The following SPATC1 variants were observed in gnomAD, a reference collection of about 807,000 sequenced individuals.
The protein encoded by SPATC1 is speriolin.
A neutral mutation model predicts 36.5 loss-of-function variants in SPATC1; 35 were observed. That is an observed-to-expected ratio of 0.96 (90% CI 0.73 to 1.27). The LOEUF (loss-of-function observed/expected upper bound fraction) is 1.27. Among genes scored for constraint, SPATC1 ranks in the 50% most tolerant of loss-of-function variants. The pLI is 0.00. For synonymous variants in SPATC1, 361 were observed against 353.6 expected (o/e 1.02, Z -0.24); for missense variants, 779 against 796.0 (o/e 0.98, Z 0.26).
chr8:144,026,689 TTCC>T (rs1342803746), intron 1 of SPATC1, among the ~76,000 whole-genome samples: 7 of 152,342 alleles, frequency 4.6e-5, no homozygotes, highest in Non-Finnish European at 1.0e-4. Context: ...TGATTTGTAT[TTCC>T]TAATGACTAA....
At chr8:144,031,630 T>C (rs1834798137) in intron 1 of SPATC1, among the ~76,000 whole-genome samples, 1 of 151,808 alleles carries the variant, frequency 6.6e-6, no homozygotes, top group South Asian at 2.1e-4. Context: ...TGAGTTTCTT[T>C]GATATGTGGA....
chr8:144,029,297 G>A (rs1335533078), intron 1 of SPATC1, among the ~76,000 whole-genome samples: 5 of 151,696 alleles, frequency 3.3e-5, no homozygotes, highest in Admixed American at 1.3e-4. Flanking sequence ...GGCCAGGCGC[G>A]GTAGCTCACG....
chr8:144,021,629 C>A, intron 1 of SPATC1, among the ~76,000 whole-genome samples: 1 of 139,248 alleles, frequency 7.2e-6, no homozygotes, highest in East Asian at 2.2e-4. Context: ...GAACCTCACA[C>A]CCCAGGACCT....
rs782577138 is a variant in SPATC1, at chr8:144,044,064, GCACT to G, written c.1447-2553_1447-2550del. Among the ~76,000 whole-genome samples the G allele has an allele frequency of 7.9e-5, 12 of 152,228 alleles. No individual in the cohort carries two copies. In the East Asian group the frequency reaches 1.7e-3, roughly 22 times the overall value. On this transcript the variant is annotated intron_variant, in intron 4 of 4. Transcript: ENST00000377470. ...CCTGGTCCACAGCCACCTTCCCCCTGCACTCACTCACTCCTGACTAGTATCGAGC... is the reference window on the plus strand; with the variant it reads ...CCTGGTCCACAGCCACCTTCCCCCTGCACTCACTCCTGACTAGTATCGAGC...
At position 144,046,900 on chromosome 8, in the gene SPATC1, C is replaced by T. The variant is rs782672906; in HGVS notation, c.1720C>T (p.Leu574Phe). 6.3e-7 allele frequency: 1 copy of T among 1,599,186 alleles called. No individual in the cohort carries two copies. Among genetic ancestry groups the T allele is most frequent in the South Asian group, 1.1e-5 (1 of 91,024 alleles). Residue 574 changes from leucine to phenylalanine, a missense_variant, in exon 5 of 5, where the codon CTC (leucine) becomes TTC (phenylalanine). Transcript: ENST00000377470. This position sits in a 1 kb window ranked among gnomAD's most constrained non-coding sequence, Gnocchi z 6.6. ...PGMLADALLL[L>F]SCLSQLAHDD... Reference sequence around the variant, plus strand: ...CATGCTCGCCGACGCGCTGCTGCTGCTCTCCTGCCTCAGCCAGCTGGCGCA... The same window carrying T: ...CATGCTCGCCGACGCGCTGCTGCTGTTCTCCTGCCTCAGCCAGCTGGCGCA...
Position 144,040,655 on chromosome 8 carries a change from C to A in SPATC1, c.854C>A (p.Thr285Asn), listed in dbSNP as rs140585701. The A allele has an allele frequency of 2.4e-3, 3,865 of 1,613,796 alleles. 8 individuals are homozygous for A. Among genetic ancestry groups the A allele is most frequent in the Non-Finnish European group, 3.1e-3 (3,637 of 1,179,940 alleles). The part of the protein sequence containing the change: ...AFAGAPLQTS[T>N]PIGAMGTPAP... Reference sequence around the variant, plus strand: ...GCAGGAGCACCCCTCCAGACCTCCACCCCTATCGGAGCCATGGGCACACCT... The same window carrying A: ...GCAGGAGCACCCCTCCAGACCTCCAACCCTATCGGAGCCATGGGCACACCT... The change falls in exon 3 of 5, where the codon ACC becomes AAC. Residue 285 changes from threonine (T) to asparagine (N), a missense_variant. By Grantham distance (65) the Thr-to-Asn change is moderately conservative. Coordinates refer to ENST00000377470, the MANE Select transcript of SPATC1 (RefSeq NM_198572.3).
chr8:144,018,309 C>T (rs1310925404), intron 1 of SPATC1, among the ~76,000 whole-genome samples: 3 of 151,996 alleles, frequency 2.0e-5, no homozygotes, highest in East Asian at 1.9e-4. Context: ...GTGGAATGGC[C>T]GACCAGGGTG....
rs1328749997 is a variant in SPATC1 at position 144,027,569 on chromosome 8, T to C, written c.212-12340T>C. ...CCCAAGTTTTATTCTAAGAGTTCTA[T>C]GGTTTTAGCTCTTCATTTAGGCCTT... On this transcript the variant is annotated intron_variant, in intron 1 of 4. Coordinates refer to ENST00000377470, the MANE Select transcript of SPATC1 (RefSeq NM_198572.3). Among the ~76,000 whole-genome samples the C allele has an allele frequency of 2.6e-5, 4 of 152,248 alleles. No homozygotes were observed. In the East Asian group the frequency reaches 5.8e-4, roughly 22 times the overall value.
chr8:144,043,691 T>TC (rs1487370084), intron 4 of SPATC1, among the ~76,000 whole-genome samples: 2 of 151,712 alleles, frequency 1.3e-5, no homozygotes, highest in African/African-American at 4.8e-5. Flanking sequence ...CTACATTTTT[T>TC]TTTTTTTTTT....
At chr8:144,023,662 TCTCCCCTTGAAA>T (rs1587497839) in intron 1 of SPATC1, among the ~76,000 whole-genome samples, 840 of 1,064 alleles carry the variant, frequency 0.79, 406 homozygotes, top group Middle Eastern at 1. Context: ...CTCAGGACCC[TCTCCCCTTGAAA>T]CTCCCCTCAG....
At chr8:144,041,151 C>G (rs1835086395) in intron 3 of SPATC1, 44 bp downstream of exon 3, 4 of 1,590,226 alleles carry the variant, frequency 2.5e-6, no homozygotes, top group Non-Finnish European at 3.4e-6. Flanking sequence ...CCCCCAGGCC[C>G]TCTCCCTGCC....
At position 144,046,867 on chromosome 8, in the gene SPATC1, C is replaced by A; in HGVS notation, c.1687C>A (p.His563Asn). ...FLQRVVVETV[H>N]PGMLADALLL... is the part of the protein sequence containing the mutation. Reference sequence around the variant, plus strand: ...GCAGCGTGTGGTGGTGGAGACCGTGCACCCCGGCATGCTCGCCGACGCGCT... The same window carrying A: ...GCAGCGTGTGGTGGTGGAGACCGTGAACCCCGGCATGCTCGCCGACGCGCT... Residue 563 changes from histidine (H) to asparagine (N), a missense_variant, in exon 5 of 5, where the codon CAC becomes AAC. By Grantham distance (68) the His-to-Asn change is moderately conservative. Coordinates refer to ENST00000377470, the MANE Select transcript of SPATC1 (RefSeq NM_198572.3). The surrounding 1 kb of genome is among the most constrained non-coding windows in gnomAD (Gnocchi z 6.6). The A allele has an allele frequency of 6.2e-7, 1 of 1,601,072 alleles. No individual in the cohort carries two copies. The highest frequency in any genetic ancestry group is 8.5e-7 in the Non-Finnish European group (1 of 1,179,832).
Position 144,041,097 on chromosome 8 carries a change from G to A in SPATC1, c.1296G>A (p.Glu432=), listed in dbSNP as rs199994454. ...ACCGCAAGACCAGCAAGTTCCCCGA[G>A]AACCCCCGAGGTCAGTGACACTGCG... The part of the protein sequence containing the change: ...LAHRKTSKFP[E]NPRESKQLAW... Residue 432 remains glutamate (E), a synonymous_variant, in exon 3 of 5, where the codon GAG becomes GAA. Coordinates refer to ENST00000377470, the MANE Select transcript of SPATC1 (RefSeq NM_198572.3). 6.3e-7 allele frequency: 1 copy of A among 1,580,678 alleles called. No individual in the cohort carries two copies. The highest frequency in any genetic ancestry group is 8.6e-7 in the Non-Finnish European group (1 of 1,161,686).
At chr8:144,029,363 G>A (rs1834751283) in intron 1 of SPATC1, among the ~76,000 whole-genome samples, 1 of 152,084 alleles carries the variant, frequency 6.6e-6, no homozygotes, top group Admixed American at 6.6e-5. Context: ...GAGGTCAGGA[G>A]TTCTGAGACC....
chr8:144,046,847 GT>G lies in SPATC1; in HGVS notation c.1668del (p.Val557TrpfsTer55), dbSNP rs1413783321. ...CCCTACACCGTGGACTTCCTGCAGC[GT>G]GTGGTGGTGGAGACCGTGCACCCCG... ...GGPYTVDFLQ[R>X]VVVETVHPGM... On this transcript the variant is annotated frameshift_variant, in exon 5 of 5. Coordinates refer to ENST00000377470, the MANE Select transcript of SPATC1 (RefSeq NM_198572.3). LOFTEE classifies it high-confidence loss of function. This position sits in a 1 kb window ranked among gnomAD's most constrained non-coding sequence, Gnocchi z 6.6. The G allele has an allele frequency of 5.0e-6, 8 of 1,602,220 alleles. No individual in the cohort carries two copies. The highest frequency in any genetic ancestry group is 5.9e-6 in the Non-Finnish European group (7 of 1,179,866).
chr8:144,020,146 C>T (rs1834476957), intron 1 of SPATC1, among the ~76,000 whole-genome samples: 1 of 151,454 alleles, frequency 6.6e-6, no homozygotes, highest in Non-Finnish European at 1.5e-5. Context: ...CTGTCCCTCC[C>T]TACTCAGGAC....
At position 144,040,478 on chromosome 8, in the gene SPATC1, G is replaced by A; in HGVS notation, c.766+15G>A. On this transcript the variant is annotated intron_variant, in intron 2 of 4. Transcript: ENST00000377470. ...CACCACCAAAGGTAACAGGTGTGGT[G>A]GGTGGTGGGTGGCAGAGTGGGGGGG... The A allele has an allele frequency of 6.4e-7, 1 of 1,573,604 alleles. No individual in the cohort carries two copies. The highest frequency in any genetic ancestry group is 8.6e-7 in the Non-Finnish European group (1 of 1,160,060).
intron 4 of SPATC1, among the ~76,000 whole-genome samples, chr8:144,042,587 G>A (rs1835145310): frequency 6.6e-6 from 1 of 151,968 alleles, no homozygotes; most frequent in Non-Finnish European, 1.5e-5. Context: ...CTCCGAAAGT[G>A]CGGGGATGAC....
At chr8:144,011,812 C>T (rs1834286648), upstream of SPATC1, among the ~76,000 whole-genome samples, 1 of 151,958 alleles carries the variant, frequency 6.6e-6, no homozygotes, top group South Asian at 2.1e-4. The surrounding 1 kb of genome is among the most constrained non-coding windows in gnomAD (Gnocchi z 4.5). Context: ...ATGGAAACTC[C>T]AAGTTATAGA....
Sources: allele counts gnomAD v4.1 joint callset (sites outside exome capture counted in the v4.1 genomes callset), GRCh38; gene constraint gnomAD v4.1.1; non-coding constraint Gnocchi (gnomAD v3.1); transcripts MANE v1.5; gene names NCBI Gene and HGNC (gene_info 2026-07-23, HGNC 2026-07-21).